The following IL1RAPL1 variants were observed in gnomAD, a reference collection of about 807,000 sequenced individuals.
IL1RAPL1 encodes the protein interleukin 1 receptor accessory protein like 1.
A neutral mutation model predicts 48.4 loss-of-function variants in IL1RAPL1; 3 were observed. That is an observed-to-expected ratio of 0.06 (90% confidence interval 0.03 to 0.16). IL1RAPL1 has a LOEUF of 0.16. Ranked by LOEUF, IL1RAPL1 falls within the 10% of genes least tolerant of loss-of-function variation. The pLI, the probability that IL1RAPL1 is intolerant of heterozygous loss-of-function variation, is 1.00. For synonymous variants in IL1RAPL1, 185 were observed against 187.7 expected (o/e 0.99, Z 0.12); for missense variants, 349 against 530.6 (o/e 0.66, Z 3.36).
chrX:29,899,299 A>G (rs1932452553), intron 6 of IL1RAPL1, among the ~76,000 whole-genome samples: 1 of 111,365 alleles, frequency 9.0e-6, no homozygotes, highest in Non-Finnish European at 1.9e-5. Context: ...GAGACAATTC[A>G]AATACTTTTA....
At chrX:28,761,066 A>G (rs1167719118) in intron 1 of IL1RAPL1, among the ~76,000 whole-genome samples, 2 of 100,610 alleles carry the variant, frequency 2.0e-5, no homozygotes, top group Non-Finnish European at 4.0e-5. Context: ...CAGCCTGGGC[A>G]ACAGAGCGAG....
intron 5 of IL1RAPL1, among the ~76,000 whole-genome samples, chrX:29,418,048 G>C (rs1295330825): frequency 5.2e-5 from 5 of 95,552 alleles, no homozygotes; most frequent in Admixed American, 1.2e-4. Context: ...GTCAATTTAA[G>C]GATGAGAGAA....
chrX:29,494,083 A>G (rs1167027131), intron 5 of IL1RAPL1, among the ~76,000 whole-genome samples: 2 of 106,322 alleles, frequency 1.9e-5, no homozygotes, highest in Non-Finnish European at 3.9e-5. Context: ...TTTTTTTTTT[A>G]GTGGAGACGG....
In IL1RAPL1 at chrX:28,962,187, G is replaced by A. The variant is rs374911545; in HGVS notation, c.82+172762G>A. On this transcript the variant is annotated intron_variant, in intron 2 of 10. Coordinates refer to ENST00000378993, the MANE Select transcript of IL1RAPL1 (RefSeq NM_014271.4). ...CTTTGGAAGAAAAATTATCAGATTT[G>A]ATTTTGATAATCTGGTTCTCTATTG... 1.0e-3 allele frequency among the ~76,000 whole-genome samples: 113 copies of A among 111,865 alleles called. No individual in the cohort carries two copies. In the Middle Eastern group the frequency reaches 0.014, roughly 14 times the overall value.
At chrX:28,906,929 A>G (rs1923232947) in intron 2 of IL1RAPL1, among the ~76,000 whole-genome samples, 1 of 112,319 alleles carries the variant, frequency 8.9e-6, no homozygotes, top group South Asian at 3.7e-4. Flanking sequence ...ACCTAAAATG[A>G]AAAAGTTTAG....
intron 5 of IL1RAPL1, among the ~76,000 whole-genome samples, chrX:29,631,719 C>T (rs765244237): frequency 1.3e-4 from 15 of 111,287 alleles, no homozygotes; most frequent in Admixed American, 6.7e-4. Context: ...CGCCTGAACC[C>T]GGGAGGCGGA....
chrX:28,856,993 C>G (rs1921820838), intron 2 of IL1RAPL1, among the ~76,000 whole-genome samples: 1 of 111,784 alleles, frequency 8.9e-6, no homozygotes, highest in African/African-American at 3.3e-5. Context: ...AAGAAAAGTG[C>G]TTAGAAGAAA....
chrX:29,906,482 TATATATATATATATATATA>T, intron 6 of IL1RAPL1, among the ~76,000 whole-genome samples: 1 of 24,502 alleles, frequency 4.1e-5, no homozygotes. Flanking sequence ...TATATATATA[TATATATATATATATATATA>T]TATATATATA....
intron 8 of IL1RAPL1, among the ~76,000 whole-genome samples, chrX:29,935,968 G>A (rs1037515230): frequency 9.9e-5 from 11 of 111,117 alleles, no homozygotes; most frequent in Non-Finnish European, 2.1e-4. Context: ...AATTTTGGGG[G>A]TTTATACCCT....
chrX:29,152,496 C>A (rs755970151), intron 2 of IL1RAPL1, among the ~76,000 whole-genome samples: 1 of 111,977 alleles, frequency 8.9e-6, no homozygotes, highest in South Asian at 3.7e-4. Flanking sequence ...TATGAAGACT[C>A]ACACTGTGGG....
chrX:28,749,373 C>T (rs1301082862), intron 1 of IL1RAPL1, among the ~76,000 whole-genome samples: 2 of 111,624 alleles, frequency 1.8e-5, no homozygotes, highest in Non-Finnish European at 3.8e-5. Flanking sequence ...AATTTACAGT[C>T]CCACTAACAT....
chrX:29,229,739 CTTG>C (rs1031310288), intron 2 of IL1RAPL1, among the ~76,000 whole-genome samples: 6 of 112,239 alleles, frequency 5.3e-5, no homozygotes, highest in African/African-American at 1.9e-4. Flanking sequence ...AACAGCTCTG[CTTG>C]TTAAGGAAGA....
In IL1RAPL1 at chrX:29,162,696, A is replaced by C. The variant is rs752363060; in HGVS notation, c.83-120242A>C. On this transcript the variant is annotated intron_variant, in intron 2 of 10. Transcript: ENST00000378993. ...AATATCGCCCAGGGAGTAGGAGCTT[A>C]TTTTGCATACCATCACAATGGGGAA... Among the ~76,000 whole-genome samples, 3 of 111,079 alleles carry C rather than the reference A, an allele frequency of 2.7e-5. No individual in the cohort carries two copies. In the South Asian group the frequency reaches 1.1e-3, roughly 42 times the overall value.
chrX:29,079,776 T>C (rs192382847), intron 2 of IL1RAPL1, among the ~76,000 whole-genome samples: 6 of 111,175 alleles, frequency 5.4e-5, no homozygotes, highest in Non-Finnish European at 9.4e-5. Context: ...AGGCAGTCGG[T>C]AAAAGTTCCA....
At chrX:29,069,717 T>A (rs1927525858) in intron 2 of IL1RAPL1, among the ~76,000 whole-genome samples, 1 of 109,961 alleles carries the variant, frequency 9.1e-6, no homozygotes, top group Admixed American at 9.8e-5. Context: ...CTATGCATGA[T>A]CTTCTGTCAT....
At chrX:28,969,702 T>C (rs1925007295) in intron 2 of IL1RAPL1, among the ~76,000 whole-genome samples, 2 of 109,786 alleles carry the variant, frequency 1.8e-5, no homozygotes, top group South Asian at 7.8e-4. Context: ...AGTGTTAATT[T>C]TTTTTAATAC....
intron 3 of IL1RAPL1, among the ~76,000 whole-genome samples, chrX:29,319,160 G>GTCTGTCTATCTATCTA (rs370282992): frequency 2.2e-4 from 19 of 84,988 alleles, no homozygotes; most frequent in African/African-American, 7.4e-4. Context: ...CTATCTGTCT[G>GTCTGTCTATCTATCTA]TCTATCTATC....
chrX:29,781,306 C>A (rs1929331511), intron 6 of IL1RAPL1, among the ~76,000 whole-genome samples: 1 of 111,596 alleles, frequency 9.0e-6, no homozygotes, highest in Non-Finnish European at 1.9e-5. Context: ...AGAGAAGGGG[C>A]ATCTTGTTAA....
At chrX:28,590,645 C>T (rs1002110716) in intron 1 of IL1RAPL1, among the ~76,000 whole-genome samples, 60 of 111,700 alleles carry the variant, frequency 5.4e-4, no homozygotes, top group African/African-American at 1.9e-3. Context: ...CAGCTGCTTC[C>T]AGGCTGTTGG....
Sources: allele counts gnomAD v4.1 joint callset (sites outside exome capture counted in the v4.1 genomes callset), GRCh38; gene constraint gnomAD v4.1.1; transcripts MANE v1.5; gene names NCBI Gene and HGNC (gene_info 2026-07-23, HGNC 2026-07-21).